UBE2H: variants seen among roughly 807,000 people sequenced by gnomAD.
The protein encoded by UBE2H is ubiquitin-conjugating enzyme E2 H.
A neutral mutation model predicts 29.0 loss-of-function variants in UBE2H; 3 were observed. The observed-to-expected ratio is 0.10, with a 90% CI of 0.05 to 0.27. The LOEUF (loss-of-function observed/expected upper bound fraction) is 0.27, where lower values mean the gene tolerates loss of function less well. Ranked by LOEUF, UBE2H falls within the 10% of genes least tolerant of loss-of-function variation. The pLI is 1.00. For missense variants in UBE2H, 68 were observed against 228.2 expected, an observed-to-expected ratio of 0.30 and a Z score of 4.52; for synonymous variants, 69 against 82.9, an observed-to-expected ratio of 0.83 and a Z score of 0.91.
At chr7:129,871,713 C>CAAATTAAA (rs1554433111) in intron 3 of UBE2H, among the ~76,000 whole-genome samples, 1 of 124,402 alleles carries the variant, frequency 8.0e-6, no homozygotes, top group Non-Finnish European at 1.7e-5. Flanking sequence ...GACTCTGTAT[C>CAAATTAAA]AAAAAAAAAA....
intron 5 of UBE2H, among the ~76,000 whole-genome samples, chr7:129,848,183 G>A (rs547735618): frequency 1.3e-5 from 2 of 152,120 alleles, no homozygotes; most frequent in East Asian, 3.9e-4. Context: ...AGATCACGCT[G>A]CTGCACTCCA....
intron 1 of UBE2H, among the ~76,000 whole-genome samples, chr7:129,922,483 G>C (rs1364107403): frequency 1.3e-5 from 2 of 151,930 alleles, no homozygotes; most frequent in African/African-American, 4.8e-5. Context: ...CAACATTTTG[G>C]CCATGCTGGT....
At chr7:129,842,656 AC>A (rs1460317335) in intron 5 of UBE2H, among the ~76,000 whole-genome samples, 4 of 151,960 alleles carry the variant, frequency 2.6e-5, no homozygotes, top group Non-Finnish European at 5.9e-5. Context: ...TAATCCCAAC[AC>A]TTTGGGAGGC....
chr7:129,876,225 T>C (rs1806141707), intron 3 of UBE2H, among the ~76,000 whole-genome samples: 1 of 152,148 alleles, frequency 6.6e-6, no homozygotes, highest in Admixed American at 6.6e-5. Flanking sequence ...AATTCTAGTA[T>C]CTCATTTTCT....
At chr7:129,919,374 A>G (rs1490173190) in intron 1 of UBE2H, among the ~76,000 whole-genome samples, 1 of 152,046 alleles carries the variant, frequency 6.6e-6, no homozygotes, top group East Asian at 1.9e-4. Context: ...TTAACACCCT[A>G]CTTAAAACCT....
intron 3 of UBE2H, among the ~76,000 whole-genome samples, chr7:129,870,553 A>G (rs1270379258): frequency 6.6e-6 from 1 of 152,144 alleles, no homozygotes; most frequent in Non-Finnish European, 1.5e-5. Context: ...TCCAGCTTGG[A>G]TGATTTCCTT....
intron 1 of UBE2H, among the ~76,000 whole-genome samples, chr7:129,921,395 C>A (rs1461922644): frequency 1.3e-5 from 2 of 152,064 alleles, no homozygotes; most frequent in African/African-American, 2.4e-5. Flanking sequence ...CAAATTTAAA[C>A]CCTAATTTAA....
rs929470994 is a variant in UBE2H, at chr7:129,834,673, G to T, written c.*264C>A. 6.1e-5 allele frequency: 19 copies of T among 311,928 alleles called. No individual in the cohort carries two copies. The highest frequency in any genetic ancestry group is 1.3e-4 in the Admixed American group (3 of 22,434). 19.3% of individuals were successfully genotyped at this position (311,928 alleles called of 1,614,324 possible). The stretch of plus-strand genomic sequence containing the variant: ...AGTTCAGTAGCACACAGGCTGACTT[G>T]GCCACATGGACTCATGAATGCATGC... On this transcript the variant is annotated 3_prime_UTR_variant, in exon 7 of 7. Coordinates refer to ENST00000355621, the MANE Select transcript of UBE2H (RefSeq NM_003344.4).
At chr7:129,914,577 A>G (rs1022605507) in intron 1 of UBE2H, among the ~76,000 whole-genome samples, 1 of 152,232 alleles carries the variant, frequency 6.6e-6, no homozygotes, top group African/African-American at 2.4e-5. Context: ...AAGAGGTCAT[A>G]TGATACACTC....
intron 3 of UBE2H, among the ~76,000 whole-genome samples, chr7:129,869,031 G>T (rs1425830351): frequency 2.6e-5 from 4 of 151,736 alleles, no homozygotes; most frequent in African/African-American, 9.7e-5. Flanking sequence ...CTGCCTCCGG[G>T]GTTCAAGTGA....
At chr7:129,925,520 C>CA (rs1437684802) in intron 1 of UBE2H, among the ~76,000 whole-genome samples, 3 of 152,188 alleles carry the variant, frequency 2.0e-5, no homozygotes, top group Non-Finnish European at 4.4e-5. Context: ...CTGTGAAAGA[C>CA]ACTGTACGTG....
intron 1 of UBE2H, among the ~76,000 whole-genome samples, chr7:129,899,051 A>T (rs1256405063): frequency 6.6e-6 from 1 of 152,168 alleles, no homozygotes; most frequent in African/African-American, 2.4e-5. Flanking sequence ...TATAGATCTA[A>T]GCTCCTTTTT....
At chr7:129,936,732 G>A (rs1807536783) in intron 1 of UBE2H, among the ~76,000 whole-genome samples, 1 of 151,344 alleles carries the variant, frequency 6.6e-6, no homozygotes, top group East Asian at 1.9e-4. Context: ...CAAGGCAGGT[G>A]GATCACCTGA....
chr7:129,860,371 T>C (rs1163265671), intron 3 of UBE2H, among the ~76,000 whole-genome samples: 2 of 152,232 alleles, frequency 1.3e-5, no homozygotes, highest in Non-Finnish European at 2.9e-5. Context: ...TAATTTTTCA[T>C]TAAGGAAATT....
chr7:129,944,217 T>A (rs1209242221), intron 1 of UBE2H, among the ~76,000 whole-genome samples: 5 of 151,376 alleles, frequency 3.3e-5, no homozygotes, highest in Admixed American at 1.3e-4. Flanking sequence ...TTAGCCAGGC[T>A]TGGTGGCGGG....
intron 5 of UBE2H, among the ~76,000 whole-genome samples, chr7:129,844,380 C>T (rs1334362632): frequency 6.6e-6 from 1 of 152,162 alleles, no homozygotes; most frequent in East Asian, 1.9e-4. Flanking sequence ...AAGATAAATA[C>T]ACTGGCAGAG....
intron 1 of UBE2H, among the ~76,000 whole-genome samples, chr7:129,930,039 C>T (rs1421705610): frequency 1.3e-5 from 2 of 152,096 alleles, no homozygotes; most frequent in African/African-American, 4.8e-5. Context: ...AACGGATATA[C>T]AAGAAACTGT....
chr7:129,891,958 T>TTC (rs898255513), intron 1 of UBE2H, among the ~76,000 whole-genome samples: 3 of 148,520 alleles, frequency 2.0e-5, no homozygotes, highest in African/African-American at 7.5e-5. Context: ...TACACCTTTT[T>TTC]TTTTTTTTTT....
At chr7:129,933,502 C>T (rs1807450358) in intron 1 of UBE2H, among the ~76,000 whole-genome samples, 2 of 152,120 alleles carry the variant, frequency 1.3e-5, no homozygotes, top group South Asian at 4.1e-4. Flanking sequence ...ATCTTAAACA[C>T]CAGGAATCAA....
Sources: gnomAD v4.1 joint callset for allele counts (sites outside exome capture counted in the v4.1 genomes callset) on GRCh38, gnomAD v4.1.1 for gene constraint, MANE v1.5 for transcripts, NCBI Gene and HGNC (gene_info 2026-07-23, HGNC 2026-07-21) for gene names.